Variants in AVEN observed in about 807,000 individuals in gnomAD.
AVEN encodes the protein cell death regulator Aven.
In AVEN, 41 loss-of-function variants were observed where a neutral mutation model predicts 38.1. The ratio of observed to expected loss-of-function variants is 1.08; its 90% CI spans 0.84 to 1.40. The LOEUF (loss-of-function observed/expected upper bound fraction) is 1.40, where lower values mean the gene tolerates loss of function less well. AVEN is among the 40% of genes most tolerant of loss of function. The pLI is 0.00. For missense variants in AVEN, 605 were observed against 438.8 expected (o/e 1.38, Z -3.38); for synonymous variants, 206 against 171.8 (o/e 1.20, Z -1.56).
intron 2 of AVEN, among the ~76,000 whole-genome samples, chr15:33,944,012 G>A (rs960679540): frequency 2.0e-5 from 3 of 151,936 alleles, no homozygotes; most frequent in Non-Finnish European, 2.9e-5. Context: ...AGGATTACAC[G>A]CATGAACCAC....
chr15:34,042,707 A>G (rs1364693986), upstream of AVEN, among the ~76,000 whole-genome samples: 2 of 151,982 alleles, frequency 1.3e-5, no homozygotes, highest in Non-Finnish European at 2.9e-5. Flanking sequence ...CCGGCAACCT[A>G]AGTTATTTTT....
chr15:34,063,304 G>T lies in AVEN; in HGVS notation n.1255C>A. The T allele has an allele frequency of 6.2e-7, 1 of 1,614,082 alleles. No homozygotes were observed. The highest frequency in any genetic ancestry group is 8.5e-7 in the Non-Finnish European group (1 of 1,180,016). On this transcript the variant is annotated non_coding_transcript_exon_variant, in exon 5 of 12. Coordinates refer to the AVEN transcript ENST00000675287. This position sits in a 1 kb window ranked among gnomAD's most constrained non-coding sequence, Gnocchi z 4.1. ...CTCTCTGAGCCCACCATCACTTTTG[G>T]CACTGCCATTGCTGCCTTCTACATC...
intron 2 of AVEN, among the ~76,000 whole-genome samples, chr15:33,962,362 C>G (rs116577042): frequency 0.012 from 1,794 of 152,272 alleles, 36 homozygotes; most frequent in African/African-American, 0.04. Context: ...TGTTCCTCAT[C>G]CAGCTTCCCC....
chr15:33,904,938 T>C (rs1456530829), intron 2 of AVEN, among the ~76,000 whole-genome samples: 2 of 151,396 alleles, frequency 1.3e-5, no homozygotes, highest in East Asian at 3.9e-4. Flanking sequence ...GAGATCAGCC[T>C]GGCCAACACG....
intron 2 of AVEN, among the ~76,000 whole-genome samples, chr15:33,917,617 C>CAT (rs142971123): frequency 0.021 from 3,110 of 151,136 alleles, 107 homozygotes; most frequent in African/African-American, 0.071. Context: ...ATGGAATATA[C>CAT]ATATATATAC....
chr15:34,030,743 A>G (rs907590894), intron 1 of AVEN, among the ~76,000 whole-genome samples: 1 of 151,972 alleles, frequency 6.6e-6, no homozygotes, highest in Admixed American at 6.6e-5. Flanking sequence ...CGGCCTCCTG[A>G]GTAGGTGGGA....
chr15:34,060,378 A>G (rs1207774494), intron 5 of AVEN, among the ~76,000 whole-genome samples: 1 of 152,158 alleles, frequency 6.6e-6, no homozygotes, highest in Non-Finnish European at 1.5e-5. Flanking sequence ...CATCAACTCG[A>G]TTCCATATTG....
At position 33,937,445 on chromosome 15, in the gene AVEN, A is replaced by G. The variant is rs1207579896; in HGVS notation, c.446-61450T>C. On this transcript the variant is annotated intron_variant, in intron 2 of 5. Transcript: ENST00000306730. Reference sequence around the variant, plus strand: ...CTACTCGGGAGGCTGAGGCAGGAGAACGGCATGAACCTGGGAGGCGGAGCT... The same window carrying G: ...CTACTCGGGAGGCTGAGGCAGGAGAGCGGCATGAACCTGGGAGGCGGAGCT... Among the ~76,000 whole-genome samples, 8 of 151,586 alleles carry G rather than the reference A, an allele frequency of 5.3e-5. No individual in the cohort carries two copies. In the South Asian group the frequency reaches 6.3e-4, roughly 12 times the overall value.
At chr15:33,984,637 G>A (rs1258901139) in intron 2 of AVEN, among the ~76,000 whole-genome samples, 2 of 152,192 alleles carry the variant, frequency 1.3e-5, no homozygotes, top group African/African-American at 4.8e-5. Context: ...CCTGACCTCA[G>A]GTGATCCACC....
intron 2 of AVEN, among the ~76,000 whole-genome samples, chr15:33,891,930 C>A (rs1310021564): frequency 6.6e-6 from 1 of 152,180 alleles, no homozygotes; most frequent in East Asian, 1.9e-4. Context: ...TTCTAACTGT[C>A]ATGAGATGGT....
At chr15:33,853,008 A>G in the AVEN span, 1 of 1,574,844 alleles carries the variant, frequency 6.3e-7, no homozygotes, top group Non-Finnish European at 8.7e-7. Flanking sequence ...CTTGATGTTA[A>G]GAATGAAGAA....
downstream of AVEN, chr15:33,865,387 C>G: frequency 1.7e-6 from 1 of 600,976 alleles, no homozygotes; most frequent in Non-Finnish European, 2.9e-6. Context: ...ATTGATTTGG[C>G]TTTTTGTGCC....
At chr15:34,038,743 A>G (rs1597379394) in intron 1 of AVEN, 37 bp downstream of exon 1, 3 of 1,143,814 alleles carry the variant, frequency 2.6e-6, no homozygotes, top group South Asian at 8.5e-5. Flanking sequence ...TGCCCCAGTT[A>G]CACGCGGTCC....
At chr15:33,880,333 A>G (rs1375755562) in intron 2 of AVEN, among the ~76,000 whole-genome samples, 1 of 152,180 alleles carries the variant, frequency 6.6e-6, no homozygotes, top group Non-Finnish European at 1.5e-5. Flanking sequence ...TAAGGCATTT[A>G]TCAATTTTCA....
In AVEN at chr15:34,064,583, C is replaced by T. The variant is rs1900462091; in HGVS notation, n.1127-1151G>A. 3 of 462,234 alleles carry T rather than the reference C, an allele frequency of 6.5e-6. No individual in the cohort carries two copies. In the Admixed American group the frequency reaches 1.2e-4, roughly 18 times the overall value. The allele number at this position is 462,234 out of a possible 1,614,324, so 28.6% of individuals were successfully genotyped here. On this transcript the variant is annotated intron_variant and non_coding_transcript_variant, in intron 4 of 11. Coordinates refer to the AVEN transcript ENST00000675287. ...GAAGTAAAGGGATAGGCTCATGGCC[C>T]TTCACAAGAGGAAGCACACTGGGTA...
At position 33,869,716 on chromosome 15, in the gene AVEN, A is replaced by AAC. The variant is rs1890852852; in HGVS notation, c.612+1217_612+1218dup. ...AATGCTATACAGCAAATGAATGGGT[A>AAC]ACCAATTCATTACTATGCTCAAGCT... is the stretch of plus-strand genomic sequence containing the variant. On this transcript the variant is annotated intron_variant, in intron 4 of 5. Transcript: ENST00000306730. 4.6e-5 allele frequency among the ~76,000 whole-genome samples: 7 copies of AAC among 152,326 alleles called. 1 individual carries two copies. In the South Asian group the frequency reaches 1.5e-3, roughly 32 times the overall value.
At chr15:33,882,640 A>T (rs541842248) in intron 2 of AVEN, among the ~76,000 whole-genome samples, 2 of 152,190 alleles carry the variant, frequency 1.3e-5, no homozygotes, top group East Asian at 3.9e-4. Flanking sequence ...GCTGAGGTGG[A>T]AGGATCAATT....
chr15:34,012,140 T>C (rs1325999325), intron 1 of AVEN, among the ~76,000 whole-genome samples: 1 of 152,238 alleles, frequency 6.6e-6, no homozygotes, highest in Non-Finnish European at 1.5e-5. Flanking sequence ...AGGTAAAGTC[T>C]ATGAGCTAGA....
Position 34,039,163 on chromosome 15 carries a change from G to T in AVEN, c.-117C>A. 1.1e-6 allele frequency: 1 copy of T among 881,692 alleles called. No individual in the cohort carries two copies. Among genetic ancestry groups the T allele is most frequent in the Non-Finnish European group, 1.4e-6 (1 of 725,200 alleles). 54.6% of individuals were successfully genotyped at this position (881,692 alleles called of 1,614,324 possible). Reference sequence around the variant, plus strand: ...CGAGCGAAAGGCGCCCGGTAGCAGCGAGGCGCGGGGTGCGGGGCTAGGGAT... The same window carrying T: ...CGAGCGAAAGGCGCCCGGTAGCAGCTAGGCGCGGGGTGCGGGGCTAGGGAT... On this transcript the variant is annotated 5_prime_UTR_variant, in exon 1 of 6. Coordinates refer to ENST00000306730, the MANE Select transcript of AVEN (RefSeq NM_020371.3).
Sources: allele counts gnomAD v4.1 joint callset (sites outside exome capture counted in the v4.1 genomes callset), GRCh38; gene constraint gnomAD v4.1.1; non-coding constraint Gnocchi (gnomAD v3.1); transcripts MANE v1.5; gene names NCBI Gene and HGNC (gene_info 2026-07-23, HGNC 2026-07-21).